The following MYH10 variants were observed in gnomAD, a reference collection of about 807,000 sequenced individuals.
MYH10 encodes myosin-10.
A neutral mutation model predicts 257.8 loss-of-function variants in MYH10; 55 were observed. The observed-to-expected ratio is 0.21, with a 90% CI of 0.17 to 0.27. MYH10 has a LOEUF of 0.27. Ranked by LOEUF, MYH10 falls within the 10% of genes least tolerant of loss-of-function variation. MYH10 has a pLI of 1.00. For missense variants in MYH10, 1,631 were observed against 2,500.6 expected, an observed-to-expected ratio of 0.65 and a Z score of 7.42; for synonymous variants, 854 against 921.7, an observed-to-expected ratio of 0.93 and a Z score of 1.33.
intron 2 of MYH10, among the ~76,000 whole-genome samples, chr17:8,619,796 C>T (rs542938887): frequency 6.6e-6 from 1 of 151,908 alleles, no homozygotes; most frequent in African/African-American, 2.4e-5. Flanking sequence ...TGTGGTGGCT[C>T]GAGCCTGTAA....
Position 8,623,177 on chromosome 17 carries a change from G to T in MYH10, c.70C>A (p.Pro24Thr). ...GCTGTCCAATCAGCTTGAGTGGCAG[G>T]GTTGTAGATGACAGCCCTGTCCACA... ...LFVDRAVIYNPATQADWTAKK... is the reference protein window; with the variant it reads ...LFVDRAVIYNTATQADWTAKK... The change falls in exon 2 of 43, where the codon CCT becomes ACT. Residue 24 changes from proline (P) to threonine (T), a missense_variant. By Grantham distance (38) the Pro-to-Thr change is conservative (BLOSUM62 -1). Around this residue, in one of 11 missense-constraint regions of MYH10, gnomAD observed 360 missense variants for 581.9 expected, o/e 0.62. Transcript: ENST00000360416. 1 of 1,613,342 alleles carries T rather than the reference G, an allele frequency of 6.2e-7. No homozygotes were observed. Among genetic ancestry groups the T allele is most frequent in the African/African-American group, 1.3e-5 (1 of 74,946 alleles).
rs777869873 is a variant in MYH10, at chr17:8,480,209, T to C, written c.5498A>G (p.Gln1833Arg). The C allele has an allele frequency of 1.9e-6, 3 of 1,614,180 alleles. No individual in the cohort carries two copies. The highest frequency in any genetic ancestry group is 2.5e-6 in the Non-Finnish European group (3 of 1,180,050). Reference sequence around the variant, plus strand: ...AGACTTGACAGCACCCTCGAGTTCCTGCAGCTTGGCCTTCAGCTCCTTGTT... The same window carrying C: ...AGACTTGACAGCACCCTCGAGTTCCCGCAGCTTGGCCTTCAGCTCCTTGTT... ...RQNKELKAKLQELEGAVKSKF... is the reference protein window; with the variant it reads ...RQNKELKAKLRELEGAVKSKF... The change falls in exon 40 of 43, where the codon CAG becomes CGG. Residue 1833 changes from glutamine (Q) to arginine (R), a missense_variant. By Grantham distance (43) the Gln-to-Arg change is conservative. Around this residue, in one of 11 missense-constraint regions of MYH10, gnomAD observed 343 missense variants for 389.5 expected, o/e 0.88. Coordinates refer to ENST00000360416, the MANE Select transcript of MYH10 (RefSeq NM_001256012.3).
At chr17:8,480,844 G>A (rs984863345) in intron 38 of MYH10, among the ~76,000 whole-genome samples, 4 of 127,996 alleles carry the variant, frequency 3.1e-5, no homozygotes, top group African/African-American at 8.6e-5. Context: ...ACGCAAGCAC[G>A]ACCCCAGCCT....
intron 28 of MYH10, among the ~76,000 whole-genome samples, chr17:8,503,555 T>G (rs112412807): frequency 0.02 from 3,109 of 152,274 alleles, 105 homozygotes; most frequent in African/African-American, 0.07. Context: ...CGGCCTGCCC[T>G]GTGGACACCA....
At chr17:8,592,933 C>CTATATATA (rs71159601) in intron 3 of MYH10, among the ~76,000 whole-genome samples, 51 of 44,740 alleles carry the variant, frequency 1.1e-3, no homozygotes, top group African/African-American at 3.1e-3. Flanking sequence ...TCAAATCCAG[C>CTATATATA]TATATATATA....
chr17:8,584,149 CA>C (rs1351571190), intron 4 of MYH10, among the ~76,000 whole-genome samples: 7 of 152,160 alleles, frequency 4.6e-5, no homozygotes, highest in African/African-American at 1.7e-4. Context: ...CTAGGATACT[CA>C]GATAAACAAG....
intron 34 of MYH10, 107 bp downstream of exon 34, chr17:8,492,190 T>C: frequency 8.9e-7 from 1 of 1,118,556 alleles, no homozygotes; most frequent in South Asian, 1.5e-5. Context: ...GGCTGTGCAT[T>C]CCCAGGTCCT....
chr17:8,600,409 A>G (rs921490803), intron 3 of MYH10, among the ~76,000 whole-genome samples: 4 of 152,290 alleles, frequency 2.6e-5, no homozygotes, highest in Middle Eastern at 3.4e-3. Context: ...AAGAAGTCCA[A>G]TCTTCTTGAT....
chr17:8,600,701 A>C (rs1481461719), intron 3 of MYH10, among the ~76,000 whole-genome samples: 1 of 152,192 alleles, frequency 6.6e-6, no homozygotes, highest in African/African-American at 2.4e-5. Context: ...AAAGCTGCTG[A>C]AAGTAATGAG....
chr17:8,487,629 C>G, intron 35 of MYH10, 35 bp from the exon 36 acceptor site: 1 of 1,612,652 alleles, frequency 6.2e-7, no homozygotes, highest in Non-Finnish European at 8.5e-7. Flanking sequence ...TGGGTTACAT[C>G]CAAGTATCTG....
At chr17:8,580,656 A>G (rs2083670620) in intron 4 of MYH10, among the ~76,000 whole-genome samples, 1 of 152,152 alleles carries the variant, frequency 6.6e-6, no homozygotes, top group Non-Finnish European at 1.5e-5. Flanking sequence ...CATCACCATT[A>G]CATTTTCTAC....
chr17:8,550,431 G>C (rs1352623518), intron 9 of MYH10, among the ~76,000 whole-genome samples: 1 of 151,528 alleles, frequency 6.6e-6, no homozygotes, highest in Non-Finnish European at 1.5e-5. Context: ...CGTCTGAGAA[G>C]TGAGGAGCCC....
chr17:8,601,956 A>G (rs1275506167), intron 3 of MYH10, among the ~76,000 whole-genome samples: 1 of 149,836 alleles, frequency 6.7e-6, no homozygotes, highest in Non-Finnish European at 1.5e-5. Flanking sequence ...TGATAAATAC[A>G]TTTCATGCAA....
At chr17:8,493,664 C>A in intron 32 of MYH10, 69 bp downstream of exon 32, 1 of 1,521,576 alleles carries the variant, frequency 6.6e-7, no homozygotes, top group Non-Finnish European at 8.8e-7. Flanking sequence ...GACAGCCCAG[C>A]ACAGCAGGGC....
At chr17:8,534,030 A>C (rs4791720) in intron 16 of MYH10, among the ~76,000 whole-genome samples, 146,790 of 152,242 alleles carry the variant, frequency 0.96, 71,003 homozygotes, top group East Asian at 1. Context: ...CCGTAACAAC[A>C]ACCTGAGCTC....
At chr17:8,526,244 A>G (rs1597737962) in intron 17 of MYH10, among the ~76,000 whole-genome samples, 1 of 152,210 alleles carries the variant, frequency 6.6e-6, no homozygotes, top group East Asian at 1.9e-4. Flanking sequence ...AAAAAACTCT[A>G]TTTTAAGAGT....
intron 2 of MYH10, among the ~76,000 whole-genome samples, chr17:8,622,166 C>G (rs1245607267): frequency 6.6e-6 from 1 of 152,220 alleles, no homozygotes; most frequent in South Asian, 2.1e-4. Context: ...AAGTCCCACA[C>G]GTGCCACCTT....
chr17:8,542,371 T>A, intron 13 of MYH10, 91 bp from the exon 14 acceptor site: 3 of 1,070,066 alleles, frequency 2.8e-6, no homozygotes, highest in Non-Finnish European at 4.1e-6. Context: ...AATTTTTCAT[T>A]AAACATTACT....
chr17:8,541,422 C>T (rs570403989), intron 14 of MYH10, among the ~76,000 whole-genome samples: 2 of 152,190 alleles, frequency 1.3e-5, no homozygotes, highest in Admixed American at 6.5e-5. Flanking sequence ...GAAGCTGACA[C>T]CTTGTTGAGC....
Sources: gnomAD v4.1 joint callset for allele counts (sites outside exome capture counted in the v4.1 genomes callset) on GRCh38, gnomAD v4.1.1 for gene constraint, gnomAD v4.1.1 regional missense constraint, MANE v1.5 for transcripts, NCBI Gene and HGNC (gene_info 2026-07-23, HGNC 2026-07-21) for gene names.